WRAP73: variants seen among roughly 807,000 people sequenced by gnomAD.
The protein encoded by WRAP73 is WD repeat containing, antisense to TP73.
In WRAP73, 55 loss-of-function variants were observed where a neutral mutation model predicts 59.6. The observed-to-expected ratio is 0.92, with a 90% CI of 0.74 to 1.15. WRAP73 has a LOEUF of 1.15. Among genes scored for constraint, WRAP73 ranks in the 50% most tolerant of loss-of-function variants. The probability of loss-of-function intolerance (pLI) is 0.00; values close to 1 mark genes in which losing one functional copy is unlikely to be tolerated. For missense variants in WRAP73, 592 were observed against 608.1 expected (o/e 0.97, Z 0.28); for synonymous variants, 265 against 258.2 (o/e 1.03, Z -0.25).
chr1:3,638,341 C>G (rs1644607412), intron 4 of WRAP73, among the ~76,000 whole-genome samples: 1 of 152,196 alleles, frequency 6.6e-6, no homozygotes, highest in Non-Finnish European at 1.5e-5. Flanking sequence ...GCAAGACCTC[C>G]CCCTTTCGCA....
At chr1:3,641,134 G>A (rs940904460) in intron 3 of WRAP73, among the ~76,000 whole-genome samples, 2 of 152,230 alleles carry the variant, frequency 1.3e-5, no homozygotes, top group Non-Finnish European at 2.9e-5. Flanking sequence ...AGACCCGTGG[G>A]ATGGGCTCCA....
intron 9 of WRAP73, 99 bp downstream of exon 9, chr1:3,633,298 GT>G (rs77717061): frequency 7.9e-3 from 7,777 of 983,408 alleles, no homozygotes; most frequent in Non-Finnish European, 8.8e-3. Context: ...GGGAAAAAAA[GT>G]TTTTTTTTTT....
chr1:3,637,764 G>A (rs1308193507), intron 4 of WRAP73, among the ~76,000 whole-genome samples: 1 of 152,002 alleles, frequency 6.6e-6, no homozygotes, highest in African/African-American at 2.4e-5. Flanking sequence ...AGCCCAGGAG[G>A]TCGAGGCTGC....
At chr1:3,641,781 T>C (rs1644648871) in intron 3 of WRAP73, among the ~76,000 whole-genome samples, 1 of 152,246 alleles carries the variant, frequency 6.6e-6, no homozygotes, top group African/African-American at 2.4e-5. Context: ...GCAGTCTGGA[T>C]ATATTTTTAA....
At position 3,640,483 on chromosome 1, in the gene WRAP73, A is replaced by G. The variant is rs12040483; in HGVS notation, c.340-1661T>C. ...CTGAGCATCAGCAGGGCAGGGTGGA[A>G]CACCCGAGGCTCTGAGCATCAGCAG... On this transcript the variant is annotated intron_variant, in intron 3 of 11. Transcript: ENST00000270708. 3.9e-3 allele frequency among the ~76,000 whole-genome samples: 194 copies of G among 49,970 alleles called. 22 individuals are homozygous for G. The highest frequency in any genetic ancestry group is 0.015 in the African/African-American group (175 of 11,590). 32.8% of individuals were successfully genotyped at this position (49,970 alleles called of 152,430 possible).
chr1:3,633,364 A>G, intron 9 of WRAP73, 34 bp downstream of exon 9: 1 of 1,576,240 alleles, frequency 6.3e-7, no homozygotes. Context: ...TGCATTAAAA[A>G]AGGAAAACAA....
intron 6 of WRAP73, 104 bp downstream of exon 6, chr1:3,635,840 G>C (rs1557456774): frequency 1.0e-6 from 1 of 1,003,552 alleles, no homozygotes; most frequent in East Asian, 2.5e-5. Flanking sequence ...AGCTCAACTT[G>C]TTATCTGAAA....
chr1:3,646,689 T>C lies in WRAP73; in HGVS notation c.316A>G (p.Ile106Val). ...ASCWSPDGRHILNTTEFHLRI... is the reference protein window; with the variant it reads ...ASCWSPDGRHVLNTTEFHLRI... ...ACATGGAATTCCGTGGTGTTGAGAATGTGGCGCCCGTCCGGGCTCCAGCAC... is the reference window on the plus strand; with the variant it reads ...ACATGGAATTCCGTGGTGTTGAGAACGTGGCGCCCGTCCGGGCTCCAGCAC... Residue 106 changes from isoleucine to valine, a missense_variant, in exon 3 of 12, where the codon ATT becomes GTT. By Grantham distance (29) the Ile-to-Val change is conservative. Coordinates refer to ENST00000270708, the MANE Select transcript of WRAP73 (RefSeq NM_017818.4). The surrounding 1 kb of genome is among the most constrained non-coding windows in gnomAD (Gnocchi z 5.1). 1 of 1,604,668 alleles carries C rather than the reference T, an allele frequency of 6.2e-7. No individual in the cohort carries two copies. Among genetic ancestry groups the C allele is most frequent in the South Asian group, 1.1e-5 (1 of 90,826 alleles).
At chr1:3,642,582 A>G (rs1290864199) in intron 3 of WRAP73, among the ~76,000 whole-genome samples, 1 of 152,088 alleles carries the variant, frequency 6.6e-6, no homozygotes, top group Admixed American at 6.5e-5. Flanking sequence ...TACTAAAAAT[A>G]CAAAATTAGC....
At position 3,649,988 on chromosome 1, in the gene WRAP73, G is replaced by C. The variant is rs775907523; in HGVS notation, c.12C>G (p.Ser4=). 1.3e-5 allele frequency: 20 copies of C among 1,598,300 alleles called. No individual in the cohort carries two copies. Among genetic ancestry groups the C allele is most frequent in the East Asian group, 2.3e-5 (1 of 43,412 alleles). The change falls in exon 1 of 12, where the codon TCC becomes TCG. Residue 4 remains serine (S), a synonymous_variant. Coordinates refer to ENST00000270708, the MANE Select transcript of WRAP73 (RefSeq NM_017818.4). ...GTAAGCTGGAGAGCTTGAATACCTCGGAGAAGTTCATGGCCGCCGCCTGCC... is the reference window on the plus strand; with the variant it reads ...GTAAGCTGGAGAGCTTGAATACCTCCGAGAAGTTCATGGCCGCCGCCTGCC... MNF[S]EVFKLSSLLC... is the part of the protein sequence containing the mutation.
rs747059328 is a variant in WRAP73 at position 3,649,963 on chromosome 1, G to A, written c.37C>T (p.Leu13Phe). 3 of 1,603,684 alleles carry A rather than the reference G, an allele frequency of 1.9e-6. No individual in the cohort carries two copies. Among genetic ancestry groups the A allele is most frequent in the South Asian group, 2.2e-5 (2 of 89,410 alleles). ...TTGCCGTCCGGGGAGAACTTGCAGA[G>A]TAAGCTGGAGAGCTTGAATACCTCG... ...FSEVFKLSSL[L>F]CKFSPDGKYL... The change falls in exon 1 of 12, where the codon CTC (leucine) becomes TTC (phenylalanine). Residue 13 changes from leucine (L) to phenylalanine (F), a missense_variant. By Grantham distance (22) the Leu-to-Phe change is conservative (BLOSUM62 0). Transcript: ENST00000270708.
Position 3,632,354 on chromosome 1 carries a change from G to T in WRAP73, c.923-16C>A. 1 of 1,614,078 alleles carries T rather than the reference G, an allele frequency of 6.2e-7. No homozygotes were observed. The highest frequency in any genetic ancestry group is 8.5e-7 in the Non-Finnish European group (1 of 1,179,974). Reference sequence around the variant, plus strand: ...GCGATCTCATCTAGAACACCAACAGGAAGAACACGCCATTGTCACCCTTTC... The same window carrying T: ...GCGATCTCATCTAGAACACCAACAGTAAGAACACGCCATTGTCACCCTTTC... On this transcript the variant is annotated splice_polypyrimidine_tract_variant and intron_variant, in intron 9 of 11. Coordinates refer to ENST00000270708, the MANE Select transcript of WRAP73 (RefSeq NM_017818.4).
chr1:3,632,389 G>A (rs779654506), intron 9 of WRAP73, 51 bp from the exon 10 acceptor site: 8 of 1,612,800 alleles, frequency 5.0e-6, no homozygotes, highest in African/African-American at 2.7e-5. Flanking sequence ...CGGGAAGTAC[G>A]CACGCGGCTG....
intron 4 of WRAP73, among the ~76,000 whole-genome samples, chr1:3,637,328 T>C (rs955713298): frequency 1.3e-5 from 2 of 152,184 alleles, no homozygotes; most frequent in African/African-American, 4.8e-5. Flanking sequence ...TGGGGGAAGC[T>C]GTACACACAC....
chr1:3,638,220 C>T (rs1264239124), intron 4 of WRAP73, among the ~76,000 whole-genome samples: 5 of 152,254 alleles, frequency 3.3e-5, no homozygotes, highest in African/African-American at 4.8e-5. Flanking sequence ...CAGTTAGACG[C>T]GCTGGCAGTG....
chr1:3,647,631 G>A lies in WRAP73; in HGVS notation c.70-71C>T, dbSNP rs1644704618. On this transcript the variant is annotated intron_variant, in intron 1 of 11. Transcript: ENST00000270708. ...AGAGGGGGGCCTTCGGAATGCTACT[G>A]CCCTGGCCTTCAGTGACTGTGGCCT... The A allele has an allele frequency of 5.2e-6, 8 of 1,537,452 alleles. No individual in the cohort carries two copies. In the Admixed American group the frequency reaches 1.2e-4, roughly 23 times the overall value.
intron 8 of WRAP73, chr1:3,633,824 AGAG>A: frequency 3.7e-6 from 1 of 268,124 alleles, no homozygotes; most frequent in Non-Finnish European, 7.1e-6. Context: ...CTCCGTGATA[AGAG>A]GATACAGAGA....
Position 3,638,774 on chromosome 1 carries a change from T to C in WRAP73, c.388A>G (p.Lys130Glu). 6.2e-7 allele frequency: 1 copy of C among 1,614,148 alleles called. No homozygotes were observed. The highest frequency in any genetic ancestry group is 8.5e-7 in the Non-Finnish European group (1 of 1,180,008). The change falls in exon 4 of 12, where the codon AAA becomes GAA. Residue 130 changes from lysine (K) to glutamate (E), a missense_variant. By Grantham distance (56) the Lys-to-Glu change is moderately conservative (BLOSUM62 1). Coordinates refer to ENST00000270708, the MANE Select transcript of WRAP73 (RefSeq NM_017818.4). ...SLCTKSVSYI[K>E]YPKACLQGIT... is the part of the protein sequence containing the mutation. Reference sequence around the variant, plus strand: ...CCCTGCAGACAAGCTTTCGGGTATTTGATGTAAGACACGGATTTTGTGCAC... The same window carrying C: ...CCCTGCAGACAAGCTTTCGGGTATTCGATGTAAGACACGGATTTTGTGCAC...
intron 3 of WRAP73, among the ~76,000 whole-genome samples, chr1:3,645,395 G>A (rs1410982611): frequency 1.4e-5 from 2 of 143,122 alleles, no homozygotes; most frequent in African/African-American, 2.8e-5. Context: ...GCAGCGGGAC[G>A]GGCGGGTTGC....
Sources: allele counts gnomAD v4.1 joint callset (sites outside exome capture counted in the v4.1 genomes callset), GRCh38; gene constraint gnomAD v4.1.1; non-coding constraint Gnocchi (gnomAD v3.1); transcripts MANE v1.5; gene names NCBI Gene and HGNC (gene_info 2026-07-23, HGNC 2026-07-21).